Variants in CEP126 observed in about 807,000 individuals in gnomAD.
The protein encoded by CEP126 is centrosomal protein 126, also known as centrosomal protein of 126 kDa.
Under a neutral mutation model 107.8 loss-of-function variants are expected in CEP126, and 74 were observed. That is an observed-to-expected ratio of 0.69 (90% CI 0.57 to 0.83). The LOEUF (loss-of-function observed/expected upper bound fraction) is 0.83. Among genes scored for constraint, CEP126 ranks in the 40% least tolerant of loss-of-function variants. The pLI is 0.00. For missense variants in CEP126, 1,237 were observed against 1,281.9 expected (o/e 0.96, Z 0.53); for synonymous variants, 449 against 446.0 (o/e 1.01, Z -0.08).
At chr11:101,949,440 G>T (rs926664293) in intron 4 of CEP126, among the ~76,000 whole-genome samples, 1 of 152,150 alleles carries the variant, frequency 6.6e-6, no homozygotes, top group African/African-American at 2.4e-5. Flanking sequence ...TCAAGAGAAA[G>T]ACTTAGGCTA....
chr11:101,963,848 C>T lies in CEP126; in HGVS notation c.2813C>T (p.Pro938Leu). 1 of 1,610,498 alleles carries T rather than the reference C, an allele frequency of 6.2e-7. No homozygotes were observed. The highest frequency in any genetic ancestry group is 8.5e-7 in the Non-Finnish European group (1 of 1,178,716). ...EESVPLWKRG[P>L]NVLHQNKRAT... is the part of the protein sequence containing the mutation. ...TCAGTTCCCTTATGGAAAAGAGGTC[C>T]TAATGTCCTGCATCAAAATAAGAGG... Residue 938 changes from proline to leucine, a missense_variant, in exon 6 of 11, where the codon CCT (proline) becomes CTT (leucine). Around this residue, in one of 3 missense-constraint regions of CEP126, gnomAD observed 1,134 missense variants for 1,150.5 expected, o/e 0.99. Transcript: ENST00000263468.
chr11:101,922,281 C>T (rs1940340703), intron 1 of CEP126, among the ~76,000 whole-genome samples: 1 of 151,824 alleles, frequency 6.6e-6, no homozygotes, highest in South Asian at 2.1e-4. Flanking sequence ...TCTCCTGCCT[C>T]AGCCTCCCAA....
In CEP126 at chr11:101,961,900, C is replaced by CA; in HGVS notation, c.867dup (p.Ser290IlefsTer3). 6.2e-7 allele frequency: 1 copy of CA among 1,612,908 alleles called. No homozygotes were observed. The stretch of plus-strand genomic sequence containing the variant: ...CATTTCCCTCAAACCAGCAAATATG[C>CA]AATCAACTAATCTCAGCTGCTTTGA... On this transcript the variant is annotated frameshift_variant, in exon 6 of 11. Transcript: ENST00000263468. LOFTEE classifies it high-confidence loss of function.
At position 101,963,238 on chromosome 11, in the gene CEP126, A is replaced by G. The variant is rs752989103; in HGVS notation, c.2203A>G (p.Lys735Glu). ...GCCAGCCTCAAAAAAAGAAGAAAGT[A>G]AAATCCCTGTACATGATGATTCTAA... is the stretch of plus-strand genomic sequence containing the variant. The part of the protein sequence containing the change: ...AWPASKKEES[K>E]IPVHDDSKTK... Residue 735 changes from lysine to glutamate, a missense_variant, in exon 6 of 11, where the codon AAA becomes GAA. By Grantham distance (56) the Lys-to-Glu change is moderately conservative. Around this residue, in one of 3 missense-constraint regions of CEP126, gnomAD observed 1,134 missense variants for 1,150.5 expected, o/e 0.99. Transcript: ENST00000263468. 13 of 1,613,948 alleles carry G rather than the reference A, an allele frequency of 8.1e-6. No individual in the cohort carries two copies. Among genetic ancestry groups the G allele is most frequent in the Non-Finnish European group, 4.2e-6 (5 of 1,180,028 alleles).
At chr11:101,958,867 A>T (rs1940935253) in intron 5 of CEP126, among the ~76,000 whole-genome samples, 1 of 152,234 alleles carries the variant, frequency 6.6e-6, no homozygotes, top group Non-Finnish European at 1.5e-5. Flanking sequence ...CAATTAATCA[A>T]CAGTGGCAAG....
At chr11:101,997,301 G>A (rs1941454111) in intron 10 of CEP126, among the ~76,000 whole-genome samples, 2 of 152,226 alleles carry the variant, frequency 1.3e-5, no homozygotes, top group Admixed American at 1.3e-4. Flanking sequence ...CTCCCAAAGT[G>A]CTGGGATTAC....
chr11:101,968,269 CTT>C (rs1328670939), intron 6 of CEP126, among the ~76,000 whole-genome samples: 2 of 152,158 alleles, frequency 1.3e-5, no homozygotes, highest in African/African-American at 4.8e-5. Flanking sequence ...AGTAACTCCT[CTT>C]TTGATATTCT....
At chr11:101,984,432 A>G (rs1941292957) in intron 8 of CEP126, among the ~76,000 whole-genome samples, 1 of 152,216 alleles carries the variant, frequency 6.6e-6, no homozygotes, top group African/African-American at 2.4e-5. Flanking sequence ...GTCTATCAGT[A>G]AGCTGGAAGA....
At position 101,961,961 on chromosome 11, in the gene CEP126, T is replaced by C. The variant is rs373987294; in HGVS notation, c.926T>C (p.Ile309Thr). 1.1e-5 allele frequency: 17 copies of C among 1,609,926 alleles called. No individual in the cohort carries two copies. The highest frequency in any genetic ancestry group is 8.0e-5 in the African/African-American group (6 of 74,732). Residue 309 changes from isoleucine to threonine, a missense_variant, in exon 6 of 11, where the codon ATA (isoleucine) becomes ACA (threonine). This residue lies in a region of CEP126 where 1,134 missense variants were observed against 1,150.5 expected (regional missense o/e 0.99). Coordinates refer to ENST00000263468, the MANE Select transcript of CEP126 (RefSeq NM_020802.4). ...CTGGCATTCTCTAAAACTCAACATATAAATAATTGGCTTACAAATTTAGAT... is the reference window on the plus strand; with the variant it reads ...CTGGCATTCTCTAAAACTCAACATACAAATAATTGGCTTACAAATTTAGAT... Reference protein sequence around the residue: ...DKLAFSKTQHINNWLTNLDAS... With the variant: ...DKLAFSKTQHTNNWLTNLDAS...
At chr11:101,991,864 G>A (rs1941387648) in intron 9 of CEP126, among the ~76,000 whole-genome samples, 1 of 152,148 alleles carries the variant, frequency 6.6e-6, no homozygotes, top group South Asian at 2.1e-4. Context: ...TTTATATGAA[G>A]TCTAAAAACA....
At chr11:101,974,552 TATA>T (rs2137121843) in intron 6 of CEP126, among the ~76,000 whole-genome samples, 1 of 152,288 alleles carries the variant, frequency 6.6e-6, no homozygotes, top group East Asian at 1.9e-4. Flanking sequence ...TTTCCAAAAC[TATA>T]ATTTTGAGAA....
intron 6 of CEP126, among the ~76,000 whole-genome samples, chr11:101,977,283 T>C (rs1335564561): frequency 1.3e-5 from 2 of 152,086 alleles, no homozygotes; most frequent in African/African-American, 4.8e-5. Flanking sequence ...CCTTGCATTA[T>C]TAGTATTATT....
intron 2 of CEP126, among the ~76,000 whole-genome samples, chr11:101,939,715 G>T (rs972768231): frequency 6.6e-6 from 1 of 152,170 alleles, no homozygotes; most frequent in African/African-American, 2.4e-5. Context: ...TGACATAAAG[G>T]TTTAGTGTCT....
At chr11:101,969,141 C>A (rs1941095348) in intron 6 of CEP126, among the ~76,000 whole-genome samples, 1 of 152,060 alleles carries the variant, frequency 6.6e-6, no homozygotes, top group South Asian at 2.1e-4. Context: ...CCACCTCAGC[C>A]CCACAAGCAG....
intron 6 of CEP126, among the ~76,000 whole-genome samples, chr11:101,969,960 G>A (rs779505422): frequency 1.2e-4 from 18 of 152,172 alleles, no homozygotes; most frequent in Non-Finnish European, 2.5e-4. Context: ...AATGTGGAAA[G>A]TAAATTTTGG....
intron 2 of CEP126, among the ~76,000 whole-genome samples, chr11:101,943,882 A>G (rs946348854): frequency 2.6e-5 from 4 of 152,124 alleles, no homozygotes; most frequent in African/African-American, 9.7e-5. Flanking sequence ...ATTTTATTGA[A>G]TACCTCATAA....
intron 6 of CEP126, 103 bp from the exon 7 acceptor site, chr11:101,978,244 C>T: frequency 1.4e-6 from 1 of 729,982 alleles, no homozygotes. Context: ...ATTAAACTTA[C>T]AGAGTTTTCT....
intron 8 of CEP126, 85 bp from the exon 9 acceptor site, chr11:101,986,747 C>T (rs2137131268): frequency 1.1e-6 from 1 of 891,770 alleles, no homozygotes; most frequent in South Asian, 1.5e-5. Flanking sequence ...GACAGTTAAG[C>T]ATGTATAAGT....
intron 6 of CEP126, among the ~76,000 whole-genome samples, chr11:101,976,766 A>G (rs900907640): frequency 6.6e-6 from 1 of 152,226 alleles, no homozygotes; most frequent in East Asian, 1.9e-4. Context: ...AAGCAGGCTC[A>G]GAAGGTTAAC....
Sources: allele counts gnomAD v4.1 joint callset (sites outside exome capture counted in the v4.1 genomes callset), GRCh38; gene constraint gnomAD v4.1.1; regional missense constraint gnomAD v4.1.1; transcripts MANE v1.5; gene names NCBI Gene and HGNC (gene_info 2026-07-23, HGNC 2026-07-21).